Variants in SDCCAG8 observed in about 807,000 individuals in gnomAD.
The protein encoded by SDCCAG8 is serologically defined colon cancer antigen 8.
In SDCCAG8, 74 loss-of-function variants were observed where a neutral mutation model predicts 101.8. The observed-to-expected ratio is 0.73, with a 90% confidence interval of 0.60 to 0.88. SDCCAG8 has a LOEUF of 0.88. SDCCAG8 is among the 40% of genes least tolerant of loss of function. SDCCAG8 has a pLI of 0.00. For missense variants in SDCCAG8, 787 were observed against 822.6 expected (o/e 0.96, Z 0.53); for synonymous variants, 281 against 292.9 (o/e 0.96, Z 0.41).
chr1:243,295,256 G>T (rs1213659300), intron 6 of SDCCAG8, among the ~76,000 whole-genome samples: 1 of 151,626 alleles, frequency 6.6e-6, no homozygotes, highest in African/African-American at 2.4e-5. Flanking sequence ...GTTTCTTTTT[G>T]AGACAGAGTC....
rs183126963 is a variant in SDCCAG8 at position 243,432,742 on chromosome 1, A to G, written c.1985+6184A>G. ...GCCAATGGTGCCTTTTTCTTTCATA[A>G]TTAATTCACTATGGATTTAATTTAT... On this transcript the variant is annotated intron_variant, in intron 16 of 17. Coordinates refer to ENST00000366541, the MANE Select transcript of SDCCAG8 (RefSeq NM_006642.5). 4.1e-4 allele frequency among the ~76,000 whole-genome samples: 63 copies of G among 152,254 alleles called. 1 individual carries two copies. Among genetic ancestry groups the G allele is most frequent in the Non-Finnish European group, 8.2e-4 (56 of 68,028 alleles).
intron 16 of SDCCAG8, among the ~76,000 whole-genome samples, chr1:243,466,907 G>A (rs779135741): frequency 6.6e-6 from 1 of 152,266 alleles, no homozygotes; most frequent in Admixed American, 6.5e-5. Context: ...ATAATTGACA[G>A]TGTCTCCCAC....
intron 12 of SDCCAG8, among the ~76,000 whole-genome samples, chr1:243,358,094 T>A (rs2076490902): frequency 6.6e-6 from 1 of 151,958 alleles, no homozygotes; most frequent in South Asian, 2.1e-4. Context: ...ATAGATAAAT[T>A]GAATGTCATC....
chr1:243,496,359 C>T (rs1025292322), intron 17 of SDCCAG8, among the ~76,000 whole-genome samples: 4 of 152,196 alleles, frequency 2.6e-5, no homozygotes, highest in Non-Finnish European at 4.4e-5. Context: ...AGCCACCAAG[C>T]GAGGCAGGGG....
At chr1:243,280,640 A>G (rs2068949752) in intron 4 of SDCCAG8, among the ~76,000 whole-genome samples, 1 of 152,140 alleles carries the variant, frequency 6.6e-6, no homozygotes, top group South Asian at 2.1e-4. Context: ...TACTTAGTTG[A>G]AAATATTTCT....
chr1:243,481,683 A>G (rs1663788671), intron 16 of SDCCAG8, among the ~76,000 whole-genome samples: 1 of 152,222 alleles, frequency 6.6e-6, no homozygotes, highest in Admixed American at 6.5e-5. Context: ...GAGAACACTT[A>G]TCTAAGAGGA....
At chr1:243,499,000 G>C (rs3006934) in intron 17 of SDCCAG8, among the ~76,000 whole-genome samples, 6,521 of 152,304 alleles carry the variant, frequency 0.043, 484 homozygotes, top group African/African-American at 0.15. Context: ...GTGCACAGTA[G>C]AAACTCCAGA....
intron 16 of SDCCAG8, among the ~76,000 whole-genome samples, chr1:243,478,755 G>A (rs1187995492): frequency 1.3e-5 from 2 of 152,030 alleles, no homozygotes; most frequent in South Asian, 2.1e-4. Flanking sequence ...TCAAGAGATC[G>A]AGACCATCCT....
intron 12 of SDCCAG8, among the ~76,000 whole-genome samples, chr1:243,375,978 G>A (rs2077575351): frequency 6.6e-6 from 1 of 152,164 alleles, no homozygotes; most frequent in Non-Finnish European, 1.5e-5. Flanking sequence ...TGGATAATCA[G>A]AAGCAGGCAG....
At chr1:243,368,133 T>C (rs150127286) in intron 12 of SDCCAG8, among the ~76,000 whole-genome samples, 161 of 151,934 alleles carry the variant, frequency 1.1e-3, no homozygotes, top group African/African-American at 3.6e-3. Flanking sequence ...TGAGAATCTC[T>C]TGAGCCGGGG....
At chr1:243,382,177 G>T (rs1052146222) in intron 13 of SDCCAG8, among the ~76,000 whole-genome samples, 1 of 152,194 alleles carries the variant, frequency 6.6e-6, no homozygotes, top group African/African-American at 2.4e-5. Flanking sequence ...GCCATCTCCG[G>T]AGTTTCGCCC....
chr1:243,307,819 C>T (rs2072308281), intron 7 of SDCCAG8, 170 bp from the exon 8 acceptor site: 6 of 1,464,062 alleles, frequency 4.1e-6, no homozygotes, highest in Non-Finnish European at 5.4e-6. Flanking sequence ...ATTAGAATCA[C>T]CACACCAAAG....
At chr1:243,477,533 G>T (rs1223196223) in intron 16 of SDCCAG8, among the ~76,000 whole-genome samples, 1 of 152,208 alleles carries the variant, frequency 6.6e-6, no homozygotes, top group Non-Finnish European at 1.5e-5. Flanking sequence ...GCCTTGGTTC[G>T]ATAGCACTTG....
intron 16 of SDCCAG8, among the ~76,000 whole-genome samples, chr1:243,451,789 C>G (rs562946597): frequency 1.3e-5 from 2 of 152,110 alleles, no homozygotes; most frequent in African/African-American, 4.8e-5. Context: ...ACCAGCCAGG[C>G]TTGGTGGTGC....
chr1:243,270,958 C>G lies in SDCCAG8; in HGVS notation c.221-20C>G, dbSNP rs1208301893. On this transcript the variant is annotated intron_variant, in intron 2 of 17. Transcript: ENST00000366541. ...TGGATCTCAAATAAGGTTAATAAACCCTCTGCTTTTGCTCTATAGTTAATC... is the reference window on the plus strand; with the variant it reads ...TGGATCTCAAATAAGGTTAATAAACGCTCTGCTTTTGCTCTATAGTTAATC... 1 of 1,576,770 alleles carries G rather than the reference C, an allele frequency of 6.3e-7. No individual in the cohort carries two copies. Among genetic ancestry groups the G allele is most frequent in the Non-Finnish European group, 8.7e-7 (1 of 1,146,500 alleles).
intron 5 of SDCCAG8, among the ~76,000 whole-genome samples, chr1:243,289,256 G>A (rs1292857160): frequency 1.3e-5 from 2 of 152,154 alleles, no homozygotes; most frequent in Non-Finnish European, 2.9e-5. Context: ...TAGCACAGGA[G>A]AAAGATGTAG....
At chr1:243,359,003 G>A (rs546739943) in intron 12 of SDCCAG8, among the ~76,000 whole-genome samples, 6 of 152,174 alleles carry the variant, frequency 3.9e-5, no homozygotes, top group African/African-American at 1.4e-4. Context: ...TTCTTTTGGG[G>A]TGATAAAATG....
chr1:243,304,598 T>C (rs906013725), intron 6 of SDCCAG8, 115 bp from the exon 7 acceptor site: 3 of 651,182 alleles, frequency 4.6e-6, no homozygotes, highest in East Asian at 2.8e-5. Context: ...TAAGAAGACA[T>C]GTTTCCCCCA....
intron 5 of SDCCAG8, among the ~76,000 whole-genome samples, chr1:243,286,636 T>C (rs1271418154): frequency 6.6e-6 from 1 of 152,162 alleles, no homozygotes; most frequent in Non-Finnish European, 1.5e-5. Context: ...TGCCTTACCA[T>C]ATGGAAAGAG....
Sources: allele counts gnomAD v4.1 joint callset (sites outside exome capture counted in the v4.1 genomes callset), GRCh38; gene constraint gnomAD v4.1.1; transcripts MANE v1.5; gene names NCBI Gene and HGNC (gene_info 2026-07-23, HGNC 2026-07-21).